The following ZNF534 variants were observed in gnomAD, a reference collection of about 807,000 sequenced individuals.
The protein encoded by ZNF534 is KRAB domain only 3.
In ZNF534, 19 loss-of-function variants were observed where a neutral mutation model predicts 13.6. The ratio of observed to expected loss-of-function variants is 1.40; its 90% confidence interval spans 0.97 to 2.05. ZNF534 has a LOEUF of 2.05. ZNF534 is among the 30% of genes most tolerant of loss of function. The pLI is 0.00. For synonymous variants in ZNF534, 244 were observed against 273.8 expected (o/e 0.89, Z 1.07); for missense variants, 782 against 796.3 (o/e 0.98, Z 0.22).
chr19:52,437,801 A>G lies in ZNF534; in HGVS notation c.341A>G (p.Gln114Arg). The change falls in exon 5 of 5, where the codon CAG becomes CGG. Residue 114 changes from glutamine to arginine, a missense_variant. This residue lies in a region of ZNF534 where 591 missense variants were observed against 574.0 expected (regional missense o/e 1.03). Coordinates refer to ENST00000433050, the MANE Select transcript of ZNF534 (RefSeq NM_001143938.3). ...AAAAATCAACATGGATTAACTCTTC[A>G]GTTACATCTGACTGAATGGCAGCCA... ...SLKNQHGLTL[Q>R]LHLTEWQPFQ... is the part of the protein sequence containing the mutation. The G allele has an allele frequency of 6.2e-7, 1 of 1,612,304 alleles. No individual in the cohort carries two copies. The highest frequency in any genetic ancestry group is 8.5e-7 in the Non-Finnish European group (1 of 1,178,986).
At chr19:52,449,377 T>TC (rs2059205084) in intron 4 of ZNF534, among the ~76,000 whole-genome samples, 3 of 151,306 alleles carry the variant, frequency 2.0e-5, no homozygotes, top group Admixed American at 6.6e-5. Context: ...TCTCTCTCTC[T>TC]TTCTCTCTTT....
At position 52,438,921 on chromosome 19, in the gene ZNF534, T is replaced by C; in HGVS notation, c.1461T>C (p.Ile487=). ...CAAACCTTCAACGACATAGGAAAAT[T>C]CATACTGGAGAGAAGCTTTACAAAT... ...QNSNLQRHRK[I]HTGEKLYKCN... is the part of the protein sequence containing the mutation. Residue 487 remains isoleucine (I), a synonymous_variant, in exon 5 of 5, where the codon ATT becomes ATC. Transcript: ENST00000433050. The C allele has an allele frequency of 6.3e-7, 1 of 1,593,520 alleles. No individual in the cohort carries two copies. The highest frequency in any genetic ancestry group is 1.1e-5 in the South Asian group (1 of 89,062).
intron 3 of ZNF534, 25 bp downstream of exon 3, chr19:52,434,106 C>T: frequency 6.2e-7 from 1 of 1,608,398 alleles, no homozygotes; most frequent in Non-Finnish European, 8.5e-7. Context: ...CGTCCAGAAG[C>T]CTGCATCTGC....
Position 52,439,253 on chromosome 19 carries a change from A to G in ZNF534, c.1793A>G (p.Lys598Arg). ...AATTCACACCTTGCGCGACATAGGA[A>G]AATTCATACTGGAGAGAAGCTTTAC... ...SRNSHLARHR[K>R]IHTGEKLYKC... Residue 598 changes from lysine (K) to arginine (R), a missense_variant, in exon 5 of 5, where the codon AAA (lysine) becomes AGA (arginine). By Grantham distance (26) the Lys-to-Arg change is conservative. This residue lies in a region of ZNF534 where 20 missense variants were observed against 43.6 expected (regional missense o/e 0.46). Coordinates refer to ENST00000433050, the MANE Select transcript of ZNF534 (RefSeq NM_001143938.3). The G allele has an allele frequency of 6.4e-7, 1 of 1,566,114 alleles. No individual in the cohort carries two copies. Among genetic ancestry groups the G allele is most frequent in the Non-Finnish European group, 8.7e-7 (1 of 1,155,054 alleles).
intron 1 of ZNF534, among the ~76,000 whole-genome samples, chr19:52,430,470 T>C (rs2059079873): frequency 6.6e-6 from 1 of 152,134 alleles, no homozygotes; most frequent in Non-Finnish European, 1.5e-5. Flanking sequence ...ATAGTCTATA[T>C]CTAGAATTGA....
intron 2 of ZNF534, among the ~76,000 whole-genome samples, chr19:52,432,806 G>C (rs1051018241): frequency 2.6e-5 from 4 of 151,798 alleles, no homozygotes; most frequent in Non-Finnish European, 4.4e-5. Context: ...CTCATTTTTT[G>C]TATTTAGTAG....
Position 52,438,757 on chromosome 19 carries a change from A to G in ZNF534, c.1297A>G (p.Thr433Ala). ...TCTCACTGCCCATCTTCTAATCCATACTGGAGAGAAACCTTACGAATGTAT... is the reference window on the plus strand; with the variant it reads ...TCTCACTGCCCATCTTCTAATCCATGCTGGAGAGAAACCTTACGAATGTAT... ...SDLTAHLLIH[T>A]GEKPYECIDC... The change falls in exon 5 of 5, where the codon ACT (threonine) becomes GCT (alanine). Residue 433 changes from threonine to alanine, a missense_variant. Physicochemically the swap from Thr to Ala is moderately conservative, Grantham distance 58. This residue lies in a region of ZNF534 where 591 missense variants were observed against 574.0 expected (regional missense o/e 1.03). Transcript: ENST00000433050. 6.2e-7 allele frequency: 1 copy of G among 1,602,876 alleles called. No homozygotes were observed. Among genetic ancestry groups the G allele is most frequent in the Non-Finnish European group, 8.5e-7 (1 of 1,174,204 alleles).
chr19:52,434,341 T>C (rs932197561), intron 3 of ZNF534, among the ~76,000 whole-genome samples: 5 of 151,294 alleles, frequency 3.3e-5, no homozygotes, highest in Non-Finnish European at 4.4e-5. Flanking sequence ...AAAGGGTGCC[T>C]GTAGTCCCAG....
downstream of ZNF534, among the ~76,000 whole-genome samples, chr19:52,444,431 G>T (rs766166354): frequency 6.6e-6 from 1 of 152,068 alleles, no homozygotes; most frequent in Non-Finnish European, 1.5e-5. Context: ...AATCTGTGAG[G>T]GTCCTGAGTT....
chr19:52,432,646 T>A (rs755548976), intron 2 of ZNF534, among the ~76,000 whole-genome samples: 20 of 152,024 alleles, frequency 1.3e-4, no homozygotes, highest in African/African-American at 1.9e-4. Context: ...TTATTTATTT[T>A]TTTTGAGACA....
intron 2 of ZNF534, chr19:52,433,725 T>C: frequency 1.7e-6 from 1 of 574,774 alleles, no homozygotes; most frequent in Non-Finnish European, 3.2e-6. Context: ...GTATTGCTTG[T>C]ATTATCCACA....
At chr19:52,447,714 G>A (rs1001435715) in intron 4 of ZNF534, among the ~76,000 whole-genome samples, 9 of 149,224 alleles carry the variant, frequency 6.0e-5, no homozygotes, top group African/African-American at 2.2e-4. Context: ...ATAACGCAGT[G>A]TAGTAGACAG....
chr19:52,447,354 C>T (rs1262285308), downstream of ZNF534, among the ~76,000 whole-genome samples: 2 of 152,164 alleles, frequency 1.3e-5, no homozygotes, highest in African/African-American at 4.8e-5. Context: ...TGGTCTCTTA[C>T]ATTTGTTTTT....
rs367756746 is a variant in ZNF534 at position 52,431,226 on chromosome 19, AC to A, written c.-67-181del. ...CAGTGTGTGTGTCGCTCACCATGAG[AC>A]AGGAGAGAGTTTTGAGGAAGGGAGT... On this transcript the variant is annotated intron_variant, in intron 1 of 4. Transcript: ENST00000433050. 7.8e-3 allele frequency among the ~76,000 whole-genome samples: 1,182 copies of A among 152,230 alleles called. 15 individuals are homozygous for A. Among genetic ancestry groups the A allele is most frequent in the African/African-American group, 0.027 (1,104 of 41,554 alleles).
intron 2 of ZNF534, among the ~76,000 whole-genome samples, chr19:52,432,553 C>T (rs2059094581): frequency 6.6e-6 from 1 of 152,226 alleles, no homozygotes. Context: ...GTGCCTATCA[C>T]ATGGGAAGTG....
chr19:52,436,365 A>C (rs1235734142), intron 4 of ZNF534, among the ~76,000 whole-genome samples: 1 of 152,188 alleles, frequency 6.6e-6, no homozygotes, highest in Non-Finnish European at 1.5e-5. Flanking sequence ...TGTTGATGCT[A>C]TCAAACTTTG....
rs1245596015 is a variant in ZNF534, at chr19:52,435,097, C to G, written c.159C>G (p.Asp53Glu). Reference sequence around the variant, plus strand: ...TGTAAGTAGGAATCTGTCTTCCTGACCTGAGTGTTACCTCCATGTTGGAGC... The same window carrying G: ...TGTAAGTAGGAATCTGTCTTCCTGAGCTGAGTGTTACCTCCATGTTGGAGC... ...NLVSLGICLPDLSVTSMLEQK... is the reference protein window; with the variant it reads ...NLVSLGICLPELSVTSMLEQK... Residue 53 changes from aspartate to glutamate, a missense_variant, in exon 4 of 5, where the codon GAC (aspartate) becomes GAG (glutamate). This residue lies in a region of ZNF534 where 81 missense variants were observed against 63.5 expected (regional missense o/e 1.28). Coordinates refer to ENST00000433050, the MANE Select transcript of ZNF534 (RefSeq NM_001143938.3). 1 of 1,612,680 alleles carries G rather than the reference C, an allele frequency of 6.2e-7. No homozygotes were observed. Among genetic ancestry groups the G allele is most frequent in the Admixed American group, 1.7e-5 (1 of 59,854 alleles).
Position 52,438,670 on chromosome 19 carries a change from CA to C in ZNF534, c.1211del (p.His404LeufsTer27), listed in dbSNP as rs1274619564. The C allele has an allele frequency of 1.3e-6, 2 of 1,581,002 alleles. No homozygotes were observed. The highest frequency in any genetic ancestry group is 1.7e-6 in the Non-Finnish European group (2 of 1,162,656). ...NSRLARHRKI[H>X]TGGRRYKCNE... Reference sequence around the variant, plus strand: ...ACGCCTTGCACGACATAGGAAAATTCATACTGGGGGGAGGCGTTACAAATGT... The same window carrying C: ...ACGCCTTGCACGACATAGGAAAATTCTACTGGGGGGAGGCGTTACAAATGT... On this transcript the variant is annotated frameshift_variant, in exon 5 of 5. Coordinates refer to ENST00000433050, the MANE Select transcript of ZNF534 (RefSeq NM_001143938.3). LOFTEE classifies it low-confidence loss of function (END_TRUNC).
Position 52,431,465 on chromosome 19 carries a change from G to T in ZNF534, c.-10G>T, listed in dbSNP as rs1258730134. ...AAGCAACTCGGAAGAGGAAAGAAAG[G>T]AAGTCAGGAATGGCCCTTACTCAGG... On this transcript the variant is annotated 5_prime_UTR_variant, in exon 2 of 5. An upstream open reading frame in the 5' UTR gains an earlier in-frame stop. Transcript: ENST00000433050. The T allele has an allele frequency of 6.2e-7, 1 of 1,614,054 alleles. No individual in the cohort carries two copies. Among genetic ancestry groups the T allele is most frequent in the Non-Finnish European group, 8.5e-7 (1 of 1,179,940 alleles).
Sources: gnomAD v4.1 joint callset for allele counts (sites outside exome capture counted in the v4.1 genomes callset) on GRCh38, gnomAD v4.1.1 for gene constraint, gnomAD v4.1.1 regional missense constraint, MANE v1.5 for transcripts, NCBI Gene and HGNC (gene_info 2026-07-23, HGNC 2026-07-21) for gene names.